Variants in CNTN5 observed in about 807,000 individuals in gnomAD.
The protein encoded by CNTN5 is contactin 5.
CNTN5 carries 77 observed loss-of-function variants against 129.1 expected under a neutral mutation model. The observed-to-expected ratio is 0.60, with a 90% CI of 0.50 to 0.72. The LOEUF is 0.72. Among genes scored for constraint, CNTN5 ranks in the 30% least tolerant of loss-of-function variants. The probability of loss-of-function intolerance (pLI) is 0.00; values close to 1 mark genes in which losing one functional copy is unlikely to be tolerated. For synonymous variants in CNTN5, 509 were observed against 465.6 expected (o/e 1.09, Z -1.20); for missense variants, 1,478 against 1,328.8 (o/e 1.11, Z -1.75).
intron 3 of CNTN5, among the ~76,000 whole-genome samples, chr11:99,779,363 A>G (rs17134417): frequency 0.076 from 11,612 of 152,086 alleles, 759 homozygotes; most frequent in African/African-American, 0.18. Context: ...CAAAGTAGTT[A>G]TAAAATTTGA....
At chr11:99,636,240 T>C (rs1951548145) in intron 3 of CNTN5, among the ~76,000 whole-genome samples, 1 of 152,184 alleles carries the variant, frequency 6.6e-6, no homozygotes, top group Non-Finnish European at 1.5e-5. Context: ...ACTATAGTTA[T>C]ATGGGGGAGA....
At chr11:99,906,735 G>A (rs563063405) in intron 6 of CNTN5, among the ~76,000 whole-genome samples, 2 of 152,052 alleles carry the variant, frequency 1.3e-5, no homozygotes, top group Non-Finnish European at 2.9e-5. Flanking sequence ...GCTCCTCTTT[G>A]TACCACTGGT....
chr11:99,108,185 A>C (rs115634980), intron 1 of CNTN5, among the ~76,000 whole-genome samples: 1,932 of 152,308 alleles, frequency 0.013, 44 homozygotes, highest in African/African-American at 0.044. Context: ...TGTATATAAC[A>C]AAGGCTTTTT....
At chr11:99,696,600 A>G (rs1002463579) in intron 3 of CNTN5, among the ~76,000 whole-genome samples, 1 of 151,654 alleles carries the variant, frequency 6.6e-6, no homozygotes, top group Non-Finnish European at 1.5e-5. Flanking sequence ...GAAGACTAGT[A>G]GTACAAGTAC....
chr11:100,225,499 CCCTGCCTCTTTCTTT>C (rs1949352947), intron 16 of CNTN5: 1 of 151,844 alleles, frequency 6.6e-6, no homozygotes, highest in African/African-American at 2.4e-5. Context: ...CTTCTTTCTT[CCCTGCCTCTTTCTTT>C]CCTTTCCTCC....
chr11:100,045,690 C>T (rs140471513), intron 9 of CNTN5, among the ~76,000 whole-genome samples: 1 of 148,808 alleles, frequency 6.7e-6, no homozygotes, highest in African/African-American at 2.5e-5. Flanking sequence ...ATACTGACTA[C>T]CTAAATTCTT....
At chr11:99,372,739 G>A (rs141986946) in intron 2 of CNTN5, among the ~76,000 whole-genome samples, 1 of 152,108 alleles carries the variant, frequency 6.6e-6, no homozygotes, top group Non-Finnish European at 1.5e-5. Flanking sequence ...TTGTACACAC[G>A]CTATGCCTAG....
intron 3 of CNTN5, among the ~76,000 whole-genome samples, chr11:99,574,679 A>G (rs1185262057): frequency 6.6e-6 from 1 of 151,930 alleles, no homozygotes; most frequent in African/African-American, 2.4e-5. Flanking sequence ...GCTTTTTTTC[A>G]TATCTTTGTT....
At chr11:100,054,424 T>C (rs1565832801) in intron 9 of CNTN5, among the ~76,000 whole-genome samples, 1 of 151,962 alleles carries the variant, frequency 6.6e-6, no homozygotes, top group South Asian at 2.1e-4. Context: ...AGTATTTTCC[T>C]GAGCTCATGT....
At chr11:99,801,635 T>TTTA (rs56781189) in intron 3 of CNTN5, among the ~76,000 whole-genome samples, 1 of 151,940 alleles carries the variant, frequency 6.6e-6, no homozygotes, top group Non-Finnish European at 1.5e-5. Flanking sequence ...AACTCTTTTT[T>TTTA]AAATTTATGT....
At chr11:99,374,465 C>T (rs1421437741) in intron 2 of CNTN5, among the ~76,000 whole-genome samples, 2 of 151,998 alleles carry the variant, frequency 1.3e-5, no homozygotes, top group African/African-American at 4.8e-5. Context: ...CGGCGGATCA[C>T]GAGGTCAGGA....
chr11:99,857,303 A>C (rs1468357443), intron 6 of CNTN5, among the ~76,000 whole-genome samples: 2 of 152,202 alleles, frequency 1.3e-5, no homozygotes, highest in Non-Finnish European at 2.9e-5. Context: ...GTAAGATCAT[A>C]GTCAACACTT....
chr11:99,551,329 T>C (rs1317416008), intron 2 of CNTN5, among the ~76,000 whole-genome samples: 1 of 152,304 alleles, frequency 6.6e-6, no homozygotes, highest in Non-Finnish European at 1.5e-5. Flanking sequence ...AAGGGTTTTT[T>C]ATTAACTCAG....
chr11:99,260,462 A>T (rs1429912435), intron 1 of CNTN5, among the ~76,000 whole-genome samples: 2 of 151,860 alleles, frequency 1.3e-5, no homozygotes, highest in Non-Finnish European at 2.9e-5. Context: ...AGTCAATATT[A>T]TGATAATTTT....
intron 13 of CNTN5, among the ~76,000 whole-genome samples, chr11:100,121,902 G>A (rs1946037113): frequency 6.6e-6 from 1 of 152,006 alleles, no homozygotes; most frequent in Non-Finnish European, 1.5e-5. Flanking sequence ...AAAAAAAGAT[G>A]AACAGGGAAG....
intron 2 of CNTN5, among the ~76,000 whole-genome samples, chr11:99,375,197 G>T (rs1940091841): frequency 1.3e-5 from 2 of 151,202 alleles, no homozygotes; most frequent in Middle Eastern, 3.4e-3. Context: ...CAGCTACTCG[G>T]GAGGCTGAGG....
chr11:99,042,461 C>T (rs1282719498), intron 1 of CNTN5, among the ~76,000 whole-genome samples: 3 of 148,902 alleles, frequency 2.0e-5, no homozygotes, highest in Middle Eastern at 3.2e-3. Context: ...CTGCAAGCTC[C>T]GCCTCCTGGG....
At chr11:99,142,228 T>C (rs1377293691) in intron 1 of CNTN5, among the ~76,000 whole-genome samples, 1 of 152,078 alleles carries the variant, frequency 6.6e-6, no homozygotes, top group Non-Finnish European at 1.5e-5. Flanking sequence ...AACAATACTT[T>C]GATGGTGTGT....
chr11:99,031,820 G>C (rs993888307), intron 1 of CNTN5, among the ~76,000 whole-genome samples: 11 of 150,820 alleles, frequency 7.3e-5, no homozygotes, highest in Non-Finnish European at 1.2e-4. Flanking sequence ...CAATGTGCAG[G>C]TTAGTTACAT....
Sources: gnomAD v4.1 joint callset for allele counts (sites outside exome capture counted in the v4.1 genomes callset) on GRCh38, gnomAD v4.1.1 for gene constraint, MANE v1.5 for transcripts, NCBI Gene and HGNC (gene_info 2026-07-23, HGNC 2026-07-21) for gene names.